Variants in MMAB observed in about 807,000 individuals in gnomAD.
MMAB encodes corrinoid adenosyltransferase MMAB.
Under a neutral mutation model 30.6 loss-of-function variants are expected in MMAB, and 17 were observed. The observed-to-expected ratio is 0.56, with a 90% confidence interval of 0.38 to 0.83. MMAB has a LOEUF of 0.83. Among genes scored for constraint, MMAB ranks in the 40% least tolerant of loss-of-function variants. The pLI, the probability that MMAB is intolerant of heterozygous loss-of-function variation, is 0.00. For synonymous variants in MMAB, 134 were observed against 138.6 expected (o/e 0.97, Z 0.23); for missense variants, 311 against 331.6 (o/e 0.94, Z 0.48).
In MMAB at chr12:109,555,250, G is replaced by A. The variant is rs1458119581; in HGVS notation, c.*1778C>T. ...AGCTCTTTGAACATACTCCCTGACC[G>A]AGCCTTAGTGATTGCGTTTTCAGGG... is the stretch of plus-strand genomic sequence containing the variant. On this transcript the variant is annotated 3_prime_UTR_variant, in exon 9 of 9. Coordinates refer to ENST00000545712, the MANE Select transcript of MMAB (RefSeq NM_052845.4). 6 of 443,088 alleles carry A rather than the reference G, an allele frequency of 1.4e-5. No homozygotes were observed. Among genetic ancestry groups the A allele is most frequent in the East Asian group, 7.1e-5 (1 of 14,116 alleles). The allele number at this position is 443,088 out of a possible 1,614,324, so 27.4% of individuals were successfully genotyped here.
rs755501024 is a variant in MMAB, at chr12:109,573,314, G to GT, written c.134+32dup. On this transcript the variant is annotated intron_variant, in intron 1 of 8. Coordinates refer to ENST00000545712, the MANE Select transcript of MMAB (RefSeq NM_052845.4). ...GCGACGACACCACGATTCACGGCAG[G>GT]TGTTCGAGTTGCCCTTCCCGCCAGC... 5 of 1,612,012 alleles carry GT rather than the reference G, an allele frequency of 3.1e-6. No homozygotes were observed. In the African/African-American group the frequency reaches 6.7e-5, roughly 22 times the overall value.
chr12:109,559,312 G>A (rs1592996288), intron 7 of MMAB, among the ~76,000 whole-genome samples, 157 bp from the exon 8 acceptor site: 3 of 152,340 alleles, frequency 2.0e-5, no homozygotes, highest in South Asian at 2.1e-4. Flanking sequence ...CATCACAGGT[G>A]GGTTTAAACA....
At chr12:109,565,804 A>C (rs879692248) in intron 3 of MMAB, among the ~76,000 whole-genome samples, 5 of 151,912 alleles carry the variant, frequency 3.3e-5, no homozygotes, top group Non-Finnish European at 7.4e-5. Context: ...GTGATGCTGG[A>C]GGGGAGACTT....
In MMAB at chr12:109,554,757, T is replaced by C. The variant is rs1393686285; in HGVS notation, c.*2271A>G. 2.2e-6 allele frequency: 1 copy of C among 454,126 alleles called. No homozygotes were observed. The highest frequency in any genetic ancestry group is 1.6e-5 in the South Asian group (1 of 64,478). The allele number at this position is 454,126 out of a possible 1,614,324, so 28.1% of individuals were successfully genotyped here. On this transcript the variant is annotated 3_prime_UTR_variant, in exon 9 of 9. Coordinates refer to ENST00000545712, the MANE Select transcript of MMAB (RefSeq NM_052845.4). Reference sequence around the variant, plus strand: ...ACACATCTTTTCTTTTGCCTCGGGCTCTTGATAGAGCTTTTGAAAGGCACT... The same window carrying C: ...ACACATCTTTTCTTTTGCCTCGGGCCCTTGATAGAGCTTTTGAAAGGCACT...
chr12:109,554,052 G>A lies in MMAB; in HGVS notation c.*2976C>T, dbSNP rs573257028. The A allele has an allele frequency of 8.8e-6, 4 of 453,970 alleles. No homozygotes were observed. The highest frequency in any genetic ancestry group is 6.8e-4 in the Middle Eastern group (1 of 1,466). The allele number at this position is 453,970 out of a possible 1,614,324, so 28.1% of individuals were successfully genotyped here. ...GATCTATCAGAGCCTGGCATTGTTCGCCACAGCCCAGGTAGTGATTAAAAC... is the reference window on the plus strand; with the variant it reads ...GATCTATCAGAGCCTGGCATTGTTCACCACAGCCCAGGTAGTGATTAAAAC... On this transcript the variant is annotated 3_prime_UTR_variant, in exon 9 of 9. Coordinates refer to ENST00000545712, the MANE Select transcript of MMAB (RefSeq NM_052845.4).
chr12:109,573,489 C>A lies in MMAB; in HGVS notation c.-9G>T, dbSNP rs554831769. 4.4e-4 allele frequency: 703 copies of A among 1,598,070 alleles called. 7 individuals are homozygous for A. The South Asian group carries it at 6.9e-3, about 16-fold the overall frequency. On this transcript the variant is annotated 5_prime_UTR_variant, in exon 1 of 9. Transcript: ENST00000545712. ...AGGCCGCACACAGCCATGAGCCAGG[C>A]TGCTTGACGGGACCTGACCCCGCCA...
rs777641532 is a variant in MMAB, at chr12:109,553,849, G to T, written c.*3179C>A. 1 of 454,084 alleles carries T rather than the reference G, an allele frequency of 2.2e-6. No individual in the cohort carries two copies. 28.1% of individuals were successfully genotyped at this position (454,084 alleles called of 1,614,324 possible). ...CATAAAACTGAATGGGCTGTCGGAA[G>T]GTGTCGAGGCAGCAGCAAGGGTGAC... On this transcript the variant is annotated 3_prime_UTR_variant, in exon 9 of 9. Transcript: ENST00000545712.
In MMAB at chr12:109,571,743, T is replaced by C. The variant is rs768013833; in HGVS notation, c.135-33A>G. On this transcript the variant is annotated intron_variant, in intron 1 of 8. Coordinates refer to ENST00000545712, the MANE Select transcript of MMAB (RefSeq NM_052845.4). ...GAAATAAACATCAGTATCTGGTGAG[T>C]GGGGATGGCTTACACAGAGGGTCAG... 26 of 1,595,506 alleles carry C rather than the reference T, an allele frequency of 1.6e-5. No individual in the cohort carries two copies. The African/African-American group carries it at 3.1e-4, about 19-fold the overall frequency.
rs770159367 is a variant in MMAB at position 109,559,088 on chromosome 12, G to A, written c.644+8C>T. 11 of 1,610,584 alleles carry A rather than the reference G, an allele frequency of 6.8e-6. No homozygotes were observed. The highest frequency in any genetic ancestry group is 4.5e-5 in the East Asian group (2 of 44,848). On this transcript the variant is annotated splice_region_variant and intron_variant, in intron 8 of 8. Coordinates refer to ENST00000545712, the MANE Select transcript of MMAB (RefSeq NM_052845.4). ...TCAGAGAGGAACCCCCAGGTTCCAC[G>A]CGAGTACCTGTTTAAGAACTTGGCC... is the stretch of plus-strand genomic sequence containing the variant.
rs73414076 is a variant in MMAB at position 109,555,218 on chromosome 12, C to T, written c.*1810G>A. On this transcript the variant is annotated 3_prime_UTR_variant, in exon 9 of 9. Coordinates refer to ENST00000545712, the MANE Select transcript of MMAB (RefSeq NM_052845.4). ...GAGGTGTAGACAGAATTGAGTGATT[C>T]GCTGCAAGCTCTTTGAACATACTCC... 24,697 of 449,496 alleles carry T rather than the reference C, an allele frequency of 0.055. 2,628 individuals carry two copies. Among genetic ancestry groups the T allele is most frequent in the African/African-American group, 0.3 (14,453 of 48,254 alleles). 27.8% of individuals were successfully genotyped at this position (449,496 alleles called of 1,614,324 possible).
chr12:109,554,189 C>T lies in MMAB; in HGVS notation c.*2839G>A. 1 of 453,340 alleles carries T rather than the reference C, an allele frequency of 2.2e-6. No homozygotes were observed. The highest frequency in any genetic ancestry group is 1.6e-5 in the South Asian group (1 of 64,474). The allele number at this position is 453,340 out of a possible 1,614,324, so 28.1% of individuals were successfully genotyped here. On this transcript the variant is annotated 3_prime_UTR_variant, in exon 9 of 9. Transcript: ENST00000545712. Reference sequence around the variant, plus strand: ...CTCCCCAGGACAACTTGGTTCCCCACCCAATGCCTCCTTCCAGGGCTGCTA... The same window carrying T: ...CTCCCCAGGACAACTTGGTTCCCCATCCAATGCCTCCTTCCAGGGCTGCTA...
At chr12:109,568,398 T>C (rs1197646160) in intron 3 of MMAB, 4 of 317,682 alleles carry the variant, frequency 1.3e-5, no homozygotes, top group East Asian at 7.4e-5. Context: ...CTTTGGCTTA[T>C]GTAAAAAACA....
chr12:109,572,179 C>G (rs767804285), intron 1 of MMAB, among the ~76,000 whole-genome samples: 11 of 152,066 alleles, frequency 7.2e-5, no homozygotes, highest in Non-Finnish European at 1.5e-4. Context: ...GTGGGATGCC[C>G]AAAACTGTCC....
intron 1 of MMAB, among the ~76,000 whole-genome samples, chr12:109,572,830 C>T (rs1434603680): frequency 1.3e-5 from 2 of 152,142 alleles, no homozygotes; most frequent in East Asian, 3.8e-4. Flanking sequence ...AAATACAGCT[C>T]AAAAAGTGGC....
intron 3 of MMAB, among the ~76,000 whole-genome samples, chr12:109,565,666 G>GA (rs1395580899): frequency 6.6e-6 from 1 of 152,222 alleles, no homozygotes; most frequent in African/African-American, 2.4e-5. Context: ...TCAGGAGTGT[G>GA]ATAGGTAATC....
Position 109,571,683 on chromosome 12 carries a change from C to G in MMAB, c.162G>C (p.Arg54Ser). 6.2e-7 allele frequency: 1 copy of G among 1,614,132 alleles called. No individual in the cohort carries two copies. The highest frequency in any genetic ancestry group is 1.1e-5 in the South Asian group (1 of 91,086). The change falls in exon 2 of 9, where the codon AGG becomes AGC. Residue 54 changes from arginine to serine, a missense_variant. Coordinates refer to ENST00000545712, the MANE Select transcript of MMAB (RefSeq NM_052845.4). ...DRPQPSSKTP[R>S]IPKIYTKTGD... Reference sequence around the variant, plus strand: ...CCGTTTTGGTGTAAATCTTGGGGATCCTGGGTGTCTTCGAGGAAGGCTGTG... The same window carrying G: ...CCGTTTTGGTGTAAATCTTGGGGATGCTGGGTGTCTTCGAGGAAGGCTGTG...
intron 4 of MMAB, chr12:109,564,710 A>T (rs1884353430): frequency 3.2e-6 from 1 of 309,516 alleles, no homozygotes; most frequent in Non-Finnish European, 6.3e-6. Context: ...ACAGGGTCTC[A>T]ATCTCTTGCC....
At position 109,566,075 on chromosome 12, in the gene MMAB, G is replaced by A. The variant is rs537952919; in HGVS notation, c.291-899C>T. Reference sequence around the variant, plus strand: ...GTCGGGGAAGGTACAACTCACCCTGGAGGGAGCTGAATTCTGGAGTCACTC... The same window carrying A: ...GTCGGGGAAGGTACAACTCACCCTGAAGGGAGCTGAATTCTGGAGTCACTC... On this transcript the variant is annotated intron_variant, in intron 3 of 8. Coordinates refer to ENST00000545712, the MANE Select transcript of MMAB (RefSeq NM_052845.4). Among the ~76,000 whole-genome samples the A allele has an allele frequency of 9.2e-5, 14 of 152,280 alleles. 1 individual carries two copies. In the South Asian group the frequency reaches 2.9e-3, roughly 32 times the overall value.
chr12:109,569,806 G>A lies in MMAB; in HGVS notation c.197-943C>T, dbSNP rs1593004949. On this transcript the variant is annotated intron_variant, in intron 2 of 8. Coordinates refer to ENST00000545712, the MANE Select transcript of MMAB (RefSeq NM_052845.4). This position sits in a 1 kb window ranked among gnomAD's most constrained non-coding sequence, Gnocchi z 4.1. ...TATGACGGTTCGAGACCAAGACAAG[G>A]CCACTGCGGAAGAACGTCTGAGCAC... Among the ~76,000 whole-genome samples, 1 of 152,210 alleles carries A rather than the reference G, an allele frequency of 6.6e-6. No individual in the cohort carries two copies. Among genetic ancestry groups the A allele is most frequent in the Admixed American group, 6.5e-5 (1 of 15,288 alleles).
Sources: gnomAD v4.1 joint callset for allele counts (sites outside exome capture counted in the v4.1 genomes callset) on GRCh38, gnomAD v4.1.1 for gene constraint, Gnocchi (gnomAD v3.1) non-coding constraint, MANE v1.5 for transcripts, NCBI Gene and HGNC (gene_info 2026-07-23, HGNC 2026-07-21) for gene names.